CORIN: variants seen among roughly 807,000 people sequenced by gnomAD.
CORIN encodes atrial natriuretic peptide-converting enzyme.
In CORIN, 117 loss-of-function variants were observed where a neutral mutation model predicts 125.3. That is an observed-to-expected ratio of 0.93 (90% CI 0.80 to 1.09). CORIN has a LOEUF of 1.09. Among genes scored for constraint, CORIN ranks in the 50% least tolerant of loss-of-function variants. The pLI is 0.00. For missense variants in CORIN, 1,253 were observed against 1,306.7 expected, an observed-to-expected ratio of 0.96 and a Z score of 0.63; for synonymous variants, 450 against 466.4, an observed-to-expected ratio of 0.96 and a Z score of 0.45.
In CORIN at chr4:47,744,449, T is replaced by A; in HGVS notation, c.752A>T (p.Asn251Ile). Reference protein sequence around the residue: ...SQFRNQTESSNVSRICFSPQQ... With the variant: ...SQFRNQTESSIVSRICFSPQQ... The stretch of plus-strand genomic sequence containing the variant: ...AGGTGAGAAGCAAATTCTGCTGACA[T>A]TGCTGCTTTCAGTTTGGTTTCTAAA... The change falls in exon 5 of 22, where the codon AAT (asparagine) becomes ATT (isoleucine). Residue 251 changes from asparagine (N) to isoleucine (I), a missense_variant. Physicochemically the swap from Asn to Ile is moderately radical, Grantham distance 149. Transcript: ENST00000273857. 6.2e-7 allele frequency: 1 copy of A among 1,614,176 alleles called. No individual in the cohort carries two copies. The highest frequency in any genetic ancestry group is 8.5e-7 in the Non-Finnish European group (1 of 1,180,016).
chr4:47,650,731 T>C, intron 13 of CORIN, among the ~76,000 whole-genome samples: 1 of 152,208 alleles, frequency 6.6e-6, no homozygotes. Context: ...GCTCCATCTA[T>C]ATCATGTATG....
At chr4:47,675,206 A>C (rs1277383440) in intron 9 of CORIN, among the ~76,000 whole-genome samples, 1 of 152,156 alleles carries the variant, frequency 6.6e-6, no homozygotes. Context: ...TAAATGGAGA[A>C]GGTAATAAAT....
intron 3 of CORIN, among the ~76,000 whole-genome samples, chr4:47,775,426 T>A (rs534366516): frequency 6.6e-6 from 1 of 152,074 alleles, no homozygotes; most frequent in Non-Finnish European, 1.5e-5. Flanking sequence ...TGTCCAAGTG[T>A]TCTCATTGTT....
At chr4:47,720,795 A>C (rs924116419) in intron 5 of CORIN, among the ~76,000 whole-genome samples, 2 of 152,194 alleles carry the variant, frequency 1.3e-5, no homozygotes, top group Non-Finnish European at 2.9e-5. Context: ...CTAAATGTAC[A>C]CAGAAATCCT....
intron 2 of CORIN, among the ~76,000 whole-genome samples, chr4:47,800,723 T>C (rs1731504587): frequency 6.6e-6 from 1 of 152,076 alleles, no homozygotes; most frequent in Non-Finnish European, 1.5e-5. Context: ...CGACTAAATC[T>C]CCCACAGAAA....
intron 16 of CORIN, among the ~76,000 whole-genome samples, chr4:47,632,757 A>ATAGATAGATAGATAGATAGATAGAT: frequency 1.5e-5 from 2 of 136,816 alleles, no homozygotes; most frequent in East Asian, 4.0e-4. Flanking sequence ...ATAGATAGAT[A>ATAGATAGATAGATAGATAGATAGAT]GATAGATAGA....
intron 4 of CORIN, among the ~76,000 whole-genome samples, chr4:47,754,329 A>G (rs1729038542): frequency 6.6e-6 from 1 of 152,152 alleles, no homozygotes; most frequent in South Asian, 2.1e-4. Flanking sequence ...CCAGCTGCCT[A>G]AACAGCCAGG....
chr4:47,788,926 G>C (rs1730938659), intron 2 of CORIN, among the ~76,000 whole-genome samples: 1 of 152,050 alleles, frequency 6.6e-6, no homozygotes, highest in Non-Finnish European at 1.5e-5. Flanking sequence ...CTAACTTTTT[G>C]GTAATAATTA....
intron 5 of CORIN, chr4:47,706,858 T>C: frequency 1.3e-6 from 2 of 1,598,686 alleles, no homozygotes; most frequent in South Asian, 1.1e-5. Flanking sequence ...GGGAGATGCG[T>C]GGGCTGACAT....
At chr4:47,759,278 G>A (rs954389325) in intron 4 of CORIN, among the ~76,000 whole-genome samples, 1 of 152,126 alleles carries the variant, frequency 6.6e-6, no homozygotes, top group African/African-American at 2.4e-5. Context: ...ACTACTAAAA[G>A]AAAACATAGG....
At chr4:47,698,322 T>C (rs1726127298) in intron 5 of CORIN, among the ~76,000 whole-genome samples, 1 of 151,612 alleles carries the variant, frequency 6.6e-6, no homozygotes, top group African/African-American at 2.4e-5. Context: ...CAGGCCTCAC[T>C]CAAACCTGAC....
chr4:47,716,998 A>G (rs1447158487), intron 5 of CORIN, among the ~76,000 whole-genome samples: 1 of 152,212 alleles, frequency 6.6e-6, no homozygotes, highest in African/African-American at 2.4e-5. Flanking sequence ...CAAAATTTCT[A>G]TAGAAAGAAT....
intron 13 of CORIN, among the ~76,000 whole-genome samples, chr4:47,649,126 G>A (rs1241337297): frequency 6.6e-6 from 1 of 152,188 alleles, no homozygotes; most frequent in Non-Finnish European, 1.5e-5. Flanking sequence ...CCCAATTCCT[G>A]AGTCACTTCC....
At chr4:47,757,958 G>C (rs1729261404) in intron 4 of CORIN, among the ~76,000 whole-genome samples, 1 of 148,694 alleles carries the variant, frequency 6.7e-6, no homozygotes, top group Admixed American at 6.7e-5. Flanking sequence ...CCATCGTCCA[G>C]GCTGAAGTGC....
rs1419919821 is a variant in CORIN, at chr4:47,786,934, C to A, written c.209-9G>T. The A allele has an allele frequency of 1.3e-6, 2 of 1,572,018 alleles. No homozygotes were observed. Among genetic ancestry groups the A allele is most frequent in the Non-Finnish European group, 1.7e-6 (2 of 1,152,032 alleles). ...GACCTTTTGTAATGTTCCTGAAAGA[C>A]AAAAACAAACACAAAAAAAACCTAT... On this transcript the variant is annotated splice_polypyrimidine_tract_variant and intron_variant, in intron 2 of 21. Coordinates refer to ENST00000273857, the MANE Select transcript of CORIN (RefSeq NM_006587.4).
intron 13 of CORIN, among the ~76,000 whole-genome samples, chr4:47,646,661 G>A (rs1026036531): frequency 6.6e-6 from 1 of 152,168 alleles, no homozygotes; most frequent in East Asian, 1.9e-4. Context: ...CCCTTGGCTA[G>A]AACAATGGCT....
chr4:47,766,688 G>A (rs1235328953), intron 3 of CORIN, among the ~76,000 whole-genome samples: 1 of 152,070 alleles, frequency 6.6e-6, no homozygotes, highest in Non-Finnish European at 1.5e-5. Flanking sequence ...GCTCACACCT[G>A]TAATCCCAGC....
At chr4:47,661,975 T>C (rs1724270341) in intron 11 of CORIN, 119 bp from the exon 12 acceptor site, 1 of 951,856 alleles carries the variant, frequency 1.1e-6, no homozygotes, top group South Asian at 2.5e-5. Context: ...GGTGTGTGGA[T>C]ATAAAAGATG....
At chr4:47,651,376 C>A (rs113958471) in intron 13 of CORIN, among the ~76,000 whole-genome samples, 6 of 152,198 alleles carry the variant, frequency 3.9e-5, no homozygotes, top group Admixed American at 2.0e-4. Context: ...TATGCACATA[C>A]GAAAACAGAA....
Sources: gnomAD v4.1 joint callset for allele counts (sites outside exome capture counted in the v4.1 genomes callset) on GRCh38, gnomAD v4.1.1 for gene constraint, MANE v1.5 for transcripts, NCBI Gene and HGNC (gene_info 2026-07-23, HGNC 2026-07-21) for gene names.